Variants in PAPPA2 observed in about 807,000 individuals in gnomAD.
PAPPA2 encodes pappalysin-2.
Under a neutral mutation model 176.4 loss-of-function variants are expected in PAPPA2, and 86 were observed. The observed-to-expected ratio is 0.49, with a 90% CI of 0.41 to 0.58. The LOEUF is 0.58. Among genes scored for constraint, PAPPA2 ranks in the 20% least tolerant of loss-of-function variants. The pLI is 0.00. For synonymous variants in PAPPA2, 809 were observed against 852.2 expected, an observed-to-expected ratio of 0.95 and a Z score of 0.88; for missense variants, 2,073 against 2,256.9, an observed-to-expected ratio of 0.92 and a Z score of 1.65.
At chr1:176,837,129 G>C (rs1206703710) in intron 21 of PAPPA2, among the ~76,000 whole-genome samples, 1 of 152,056 alleles carries the variant, frequency 6.6e-6, no homozygotes, top group African/African-American at 2.4e-5. Flanking sequence ...TTTCCTTTTC[G>C]TATTCCACCA....
intron 17 of PAPPA2, 124 bp from the exon 18 acceptor site, chr1:176,789,685 T>C (rs1665088921): frequency 2.9e-6 from 3 of 1,036,908 alleles, no homozygotes; most frequent in South Asian, 2.9e-5. Flanking sequence ...GTGGGACATA[T>C]GGCTCACAAG....
intron 20 of PAPPA2, among the ~76,000 whole-genome samples, chr1:176,796,673 CTCTTTT>C (rs927442294): frequency 2.2e-5 from 3 of 136,806 alleles, no homozygotes; most frequent in Admixed American, 1.5e-4. Flanking sequence ...TTCTTTCTTT[CTCTTTT>C]TCTTTTTCTT....
At chr1:176,799,931 G>C (rs1665603745) in intron 20 of PAPPA2, 130 bp from the exon 21 acceptor site, 7 of 880,454 alleles carry the variant, frequency 8.0e-6, no homozygotes, top group Non-Finnish European at 1.1e-5. Flanking sequence ...TCCACTTTAT[G>C]GGACACAATT....
chr1:176,710,497 G>A (rs559806826), intron 11 of PAPPA2, among the ~76,000 whole-genome samples: 74 of 152,226 alleles, frequency 4.9e-4, no homozygotes, highest in Non-Finnish European at 9.1e-4. Context: ...TTGATTTAAA[G>A]AAGTTTTATT....
intron 7 of PAPPA2, among the ~76,000 whole-genome samples, chr1:176,696,211 G>A (rs1660375083): frequency 6.6e-6 from 1 of 151,326 alleles, no homozygotes; most frequent in African/African-American, 2.4e-5. Flanking sequence ...GGTCCTTGGA[G>A]TAGCCGTGCC....
intron 12 of PAPPA2, among the ~76,000 whole-genome samples, chr1:176,734,769 C>T (rs1032737913): frequency 7.9e-5 from 12 of 152,178 alleles, no homozygotes; most frequent in Admixed American, 7.9e-4. Context: ...TAATTCTTCA[C>T]CTATAAAAAA....
At chr1:176,684,692 C>A (rs922974818) in intron 4 of PAPPA2, among the ~76,000 whole-genome samples, 1 of 152,098 alleles carries the variant, frequency 6.6e-6, no homozygotes, top group African/African-American at 2.4e-5. Context: ...TGGAAGGGAA[C>A]GATTATTGGC....
intron 21 of PAPPA2, among the ~76,000 whole-genome samples, chr1:176,832,837 T>G (rs573653677): frequency 6.6e-6 from 1 of 152,194 alleles, no homozygotes; most frequent in Non-Finnish European, 1.5e-5. Flanking sequence ...CAGAGGAGAT[T>G]GATTTTTGTC....
chr1:176,505,309 G>A (rs1648194937), intron 1 of PAPPA2, among the ~76,000 whole-genome samples: 1 of 151,996 alleles, frequency 6.6e-6, no homozygotes, highest in African/African-American at 2.4e-5. Flanking sequence ...AGCACATTTG[G>A]GGTCAATGTC....
At chr1:176,500,073 TACTC>T in intron 1 of PAPPA2, among the ~76,000 whole-genome samples, 1 of 152,242 alleles carries the variant, frequency 6.6e-6, no homozygotes, top group South Asian at 2.1e-4. Context: ...TGGATAATTG[TACTC>T]AAATCAAAGG....
At chr1:176,803,452 A>G (rs1665769394) in intron 21 of PAPPA2, among the ~76,000 whole-genome samples, 1 of 152,162 alleles carries the variant, frequency 6.6e-6, no homozygotes, top group Admixed American at 6.5e-5. Context: ...AAGGAAAGGA[A>G]AGGAAAAGAA....
chr1:176,831,598 C>T (rs1026127131), intron 21 of PAPPA2, among the ~76,000 whole-genome samples: 3 of 152,156 alleles, frequency 2.0e-5, no homozygotes, highest in Non-Finnish European at 2.9e-5. Context: ...AACTGTCTCT[C>T]CCAGAGGAGA....
intron 1 of PAPPA2, among the ~76,000 whole-genome samples, chr1:176,476,382 T>G (rs1297163651): frequency 6.6e-6 from 1 of 152,218 alleles, no homozygotes; most frequent in Admixed American, 6.5e-5. Context: ...TTCTCTGCCA[T>G]ACCTGTGGTC....
intron 21 of PAPPA2, among the ~76,000 whole-genome samples, chr1:176,814,045 A>G (rs893545168): frequency 6.6e-6 from 1 of 152,090 alleles, no homozygotes; most frequent in Non-Finnish European, 1.5e-5. Context: ...AAGGGAATCC[A>G]TTCCTCACTG....
intron 12 of PAPPA2, among the ~76,000 whole-genome samples, chr1:176,721,659 G>T (rs1224329862): frequency 6.6e-6 from 1 of 151,992 alleles, no homozygotes; most frequent in East Asian, 1.9e-4. Flanking sequence ...TTCTTTGAAG[G>T]CCATGTCTTT....
intron 10 of PAPPA2, among the ~76,000 whole-genome samples, chr1:176,707,472 A>G (rs905900149): frequency 1.3e-5 from 2 of 152,136 alleles, no homozygotes; most frequent in African/African-American, 2.4e-5. Flanking sequence ...TGATCCTTTC[A>G]TGAGTACAAG....
intron 3 of PAPPA2, among the ~76,000 whole-genome samples, chr1:176,659,268 A>T (rs553786681): frequency 6.6e-6 from 1 of 152,018 alleles, no homozygotes; most frequent in Non-Finnish European, 1.5e-5. Context: ...GAAGTCCAAG[A>T]TCAGCAGGGT....
intron 3 of PAPPA2, among the ~76,000 whole-genome samples, chr1:176,637,459 T>G (rs918563949): frequency 1.3e-5 from 2 of 152,086 alleles, no homozygotes; most frequent in African/African-American, 4.8e-5. Flanking sequence ...TTACTTGAGG[T>G]CTCTCATCTA....
At chr1:176,544,713 C>G (rs1650538181) in intron 1 of PAPPA2, among the ~76,000 whole-genome samples, 7 of 152,172 alleles carry the variant, frequency 4.6e-5, no homozygotes, top group Admixed American at 4.6e-4. Flanking sequence ...ATTGCTCTCC[C>G]CCAACTTTCA....
Sources: gnomAD v4.1 joint callset for allele counts (sites outside exome capture counted in the v4.1 genomes callset) on GRCh38, gnomAD v4.1.1 for gene constraint, MANE v1.5 for transcripts, NCBI Gene and HGNC (gene_info 2026-07-23, HGNC 2026-07-21) for gene names.